MAML3: variants seen among roughly 807,000 people sequenced by gnomAD.
The protein encoded by MAML3 is mastermind-like protein 3.
A neutral mutation model predicts 101.9 loss-of-function variants in MAML3; 27 were observed. The observed-to-expected ratio is 0.27, with a 90% CI of 0.20 to 0.37. MAML3 has a LOEUF of 0.37. Among genes scored for constraint, MAML3 ranks in the 10% least tolerant of loss-of-function variants. MAML3 has a pLI of 1.00. For synonymous variants in MAML3, 501 were observed against 555.9 expected (o/e 0.90, Z 1.39); for missense variants, 1,316 against 1,444.9 (o/e 0.91, Z 1.45).
Position 139,735,937 on chromosome 4 carries a change from T to A in MAML3, c.2080-5270A>T, listed in dbSNP as rs1451335839. 3.9e-5 allele frequency among the ~76,000 whole-genome samples: 6 copies of A among 152,082 alleles called. No homozygotes were observed. The highest frequency in any genetic ancestry group is 7.4e-5 in the Non-Finnish European group (5 of 68,000). ...CGCGCCGCTCGGGAGCCCGCGAGGC[T>A]GCGGTGTGCTCCAGCGGGCGCATTT... On this transcript the variant is annotated intron_variant, in intron 2 of 4. Coordinates refer to ENST00000509479, the MANE Select transcript of MAML3 (RefSeq NM_018717.5). This position sits in a 1 kb window ranked among gnomAD's most constrained non-coding sequence, Gnocchi z 5.8.
chr4:139,772,640 G>A lies in MAML3; in HGVS notation c.2080-41973C>T, dbSNP rs551634606. The stretch of plus-strand genomic sequence containing the variant: ...TTACAGGTGTGAGCCACTGCGCCTG[G>A]CCAAAGTTATCTTAACATTATTGGC... On this transcript the variant is annotated intron_variant, in intron 2 of 4. Coordinates refer to ENST00000509479, the MANE Select transcript of MAML3 (RefSeq NM_018717.5). Among the ~76,000 whole-genome samples, 9 of 151,974 alleles carry A rather than the reference G, an allele frequency of 5.9e-5. No individual in the cohort carries two copies. The East Asian group carries it at 1.4e-3, about 23-fold the overall frequency.
intron 2 of MAML3, among the ~76,000 whole-genome samples, chr4:139,834,567 G>T (rs1731225422): frequency 1.3e-5 from 2 of 152,222 alleles, no homozygotes; most frequent in Admixed American, 6.5e-5. Flanking sequence ...CTGGGCTAGG[G>T]CCTGAGCTTT....
At chr4:139,726,784 G>A (rs1005842723) in intron 3 of MAML3, among the ~76,000 whole-genome samples, 10 of 152,184 alleles carry the variant, frequency 6.6e-5, no homozygotes, top group Non-Finnish European at 1.3e-4. Context: ...TTCCACTCAC[G>A]GGGATGCTGC....
intron 1 of MAML3, among the ~76,000 whole-genome samples, chr4:140,079,937 T>C (rs986666348): frequency 2.0e-5 from 3 of 152,204 alleles, no homozygotes; most frequent in Non-Finnish European, 4.4e-5. Flanking sequence ...ACAAACTTAC[T>C]CTCTAAAATT....
chr4:140,018,663 T>G (rs1463051770), intron 1 of MAML3, among the ~76,000 whole-genome samples: 2 of 152,198 alleles, frequency 1.3e-5, no homozygotes, highest in Non-Finnish European at 1.5e-5. Context: ...TATCAGGTAC[T>G]TTGCAGTTAG....
chr4:139,899,672 A>G (rs1441685994), intron 1 of MAML3, among the ~76,000 whole-genome samples: 1 of 152,220 alleles, frequency 6.6e-6, no homozygotes, highest in African/African-American at 2.4e-5. Context: ...AAGAAAAAGA[A>G]AAATCTTATT....
chr4:139,768,051 A>G (rs1195844582), intron 2 of MAML3, among the ~76,000 whole-genome samples: 4 of 152,186 alleles, frequency 2.6e-5, no homozygotes, highest in African/African-American at 9.6e-5. Context: ...TTGGCCACTC[A>G]TATGTCTTCT....
intron 1 of MAML3, among the ~76,000 whole-genome samples, chr4:139,912,705 G>C (rs764917676): frequency 6.6e-6 from 1 of 152,242 alleles, no homozygotes; most frequent in Non-Finnish European, 1.5e-5. Context: ...GACGGCGGAG[G>C]CAGAGACTGG....
chr4:139,798,902 C>T (rs577430307), intron 2 of MAML3, among the ~76,000 whole-genome samples: 1 of 152,334 alleles, frequency 6.6e-6, no homozygotes, highest in East Asian at 1.9e-4. Context: ...CAGGCCCTTT[C>T]ATGGCCTTTT....
chr4:140,023,684 T>C (rs1020902588), intron 1 of MAML3, among the ~76,000 whole-genome samples: 2 of 152,242 alleles, frequency 1.3e-5, no homozygotes, highest in African/African-American at 2.4e-5. Context: ...TTAATAAACA[T>C]AATTCACCCA....
intron 2 of MAML3, among the ~76,000 whole-genome samples, chr4:139,738,958 A>G (rs1185442267): frequency 6.6e-6 from 1 of 152,230 alleles, no homozygotes; most frequent in Non-Finnish European, 1.5e-5. Flanking sequence ...TAACTTTCCA[A>G]GTGCTTCCAA....
At chr4:139,945,261 A>G (rs1283704229) in intron 1 of MAML3, among the ~76,000 whole-genome samples, 1 of 152,214 alleles carries the variant, frequency 6.6e-6, no homozygotes, top group African/African-American at 2.4e-5. Context: ...CAAAGCAAAC[A>G]ACTCTTCCTA....
At position 139,961,544 on chromosome 4, in the gene MAML3, G is replaced by T. The variant is rs1402800028; in HGVS notation, c.469-70577C>A. On this transcript the variant is annotated intron_variant, in intron 1 of 4. Transcript: ENST00000509479. ...CCCCCTTTTTGGAAGTCATTTGTTAGGTTCACTTCCTGGGGACAGACTGTT... is the reference window on the plus strand; with the variant it reads ...CCCCCTTTTTGGAAGTCATTTGTTATGTTCACTTCCTGGGGACAGACTGTT... Among the ~76,000 whole-genome samples, 9 of 152,290 alleles carry T rather than the reference G, an allele frequency of 5.9e-5. No homozygotes were observed. The East Asian group carries it at 1.7e-3, about 29-fold the overall frequency.
intron 1 of MAML3, among the ~76,000 whole-genome samples, chr4:139,894,783 T>C (rs567478774): frequency 6.3e-4 from 96 of 152,248 alleles, no homozygotes; most frequent in African/African-American, 2.3e-3. Flanking sequence ...GAAAATGATA[T>C]TATTTATTGG....
chr4:140,034,752 A>T (rs904438502), intron 1 of MAML3, among the ~76,000 whole-genome samples: 1 of 152,234 alleles, frequency 6.6e-6, no homozygotes. Context: ...ATTTGAAAGG[A>T]AAGTAACAAA....
intron 1 of MAML3, among the ~76,000 whole-genome samples, chr4:139,998,779 G>A (rs898480508): frequency 3.3e-5 from 5 of 152,032 alleles, no homozygotes; most frequent in African/African-American, 1.2e-4. Flanking sequence ...GATTAATTCT[G>A]TGAATTCTGT....
At chr4:139,833,546 G>A (rs865879299) in intron 2 of MAML3, among the ~76,000 whole-genome samples, 4 of 152,216 alleles carry the variant, frequency 2.6e-5, no homozygotes, top group Middle Eastern at 3.4e-3. Flanking sequence ...AGAAAACCGA[G>A]AAACAACACT....
At chr4:139,932,994 CAT>C (rs1038810840) in intron 1 of MAML3, among the ~76,000 whole-genome samples, 7 of 152,120 alleles carry the variant, frequency 4.6e-5, no homozygotes, top group Non-Finnish European at 8.8e-5. Flanking sequence ...CACAGGGAAA[CAT>C]AGTTAGCCGT....
rs191345127 is a variant in MAML3 at position 139,795,471 on chromosome 4, G to T, written c.2080-64804C>A. Among the ~76,000 whole-genome samples the T allele has an allele frequency of 2.7e-4, 41 of 152,330 alleles. No homozygotes were observed. The East Asian group carries it at 7.5e-3, about 28-fold the overall frequency. On this transcript the variant is annotated intron_variant, in intron 2 of 4. Coordinates refer to ENST00000509479, the MANE Select transcript of MAML3 (RefSeq NM_018717.5). ...GTGAAATTAGAATGGTTTAATATTT[G>T]GAGGCAATTTCCTGTTAAATTGTCA... is the stretch of plus-strand genomic sequence containing the variant.
Sources: allele counts gnomAD v4.1 joint callset (sites outside exome capture counted in the v4.1 genomes callset), GRCh38; gene constraint gnomAD v4.1.1; non-coding constraint Gnocchi (gnomAD v3.1); transcripts MANE v1.5; gene names NCBI Gene and HGNC (gene_info 2026-07-23, HGNC 2026-07-21).